Variants in HPSE2 observed in about 807,000 individuals in gnomAD.
HPSE2 encodes heparanase 2 (inactive).
HPSE2 carries 38 observed loss-of-function variants against 60.5 expected under a neutral mutation model. The observed-to-expected ratio is 0.63, with a 90% CI of 0.48 to 0.82. HPSE2 has a LOEUF of 0.82. Ranked by LOEUF, HPSE2 falls within the 40% of genes least tolerant of loss-of-function variation. The probability of loss-of-function intolerance (pLI) is 0.00; values close to 1 mark genes in which losing one functional copy is unlikely to be tolerated. For missense variants in HPSE2, 713 were observed against 740.4 expected (o/e 0.96, Z 0.43); for synonymous variants, 295 against 293.2 (o/e 1.01, Z -0.06).
intron 3 of HPSE2, among the ~76,000 whole-genome samples, chr10:98,803,331 T>A (rs1412034077): frequency 6.7e-6 from 1 of 150,236 alleles, no homozygotes; most frequent in East Asian, 2.0e-4. Context: ...TTTAATTAGA[T>A]CCCATTTGTC....
chr10:98,752,058 G>C (rs1949770223), intron 3 of HPSE2, among the ~76,000 whole-genome samples: 1 of 152,090 alleles, frequency 6.6e-6, no homozygotes, highest in Non-Finnish European at 1.5e-5. Flanking sequence ...TTTTGGAGAG[G>C]ACAGGCTCCC....
At chr10:99,205,959 C>T (rs889857659) in intron 2 of HPSE2, among the ~76,000 whole-genome samples, 2 of 152,172 alleles carry the variant, frequency 1.3e-5, no homozygotes, top group Non-Finnish European at 2.9e-5. Context: ...CACAATGCTG[C>T]AAACCTTGAC....
At chr10:99,313,592 ATT>A in the HPSE2 span, among the ~76,000 whole-genome samples, 121 of 84,618 alleles carry the variant, frequency 1.4e-3, no homozygotes, top group African/African-American at 5.7e-3. Context: ...ACTGACTCCA[ATT>A]TTTTTTTTTT....
At chr10:99,293,436 G>C in the HPSE2 span, among the ~76,000 whole-genome samples, 1 of 152,236 alleles carries the variant, frequency 6.6e-6, no homozygotes, top group Non-Finnish European at 1.5e-5. Context: ...ATAAAAATAA[G>C]AATTTGAAAA....
the HPSE2 span, among the ~76,000 whole-genome samples, chr10:99,285,997 T>G: frequency 6.6e-6 from 1 of 152,192 alleles, no homozygotes; most frequent in Admixed American, 6.5e-5. Context: ...CATTAGGAAA[T>G]GCAAATCAAA....
At chr10:99,110,428 G>A (rs1011906931) in intron 3 of HPSE2, among the ~76,000 whole-genome samples, 8 of 152,108 alleles carry the variant, frequency 5.3e-5, no homozygotes, top group South Asian at 2.1e-4. Context: ...AGTATTCTCC[G>A]TCCTTTCAAC....
intron 3 of HPSE2, among the ~76,000 whole-genome samples, chr10:98,813,467 T>C (rs573450909): frequency 6.6e-6 from 1 of 152,280 alleles, no homozygotes; most frequent in East Asian, 1.9e-4. Flanking sequence ...TGAGGAAGAA[T>C]TGCTGATCTT....
chr10:99,125,029 A>T (rs994967582), intron 3 of HPSE2, among the ~76,000 whole-genome samples: 5 of 152,266 alleles, frequency 3.3e-5, no homozygotes, highest in African/African-American at 4.8e-5. Context: ...GAGTAGCAGC[A>T]GAAGATAGTG....
intron 7 of HPSE2, among the ~76,000 whole-genome samples, chr10:98,631,547 G>A (rs540858494): frequency 2.6e-5 from 4 of 152,264 alleles, no homozygotes; most frequent in African/African-American, 7.2e-5. Flanking sequence ...CTCTTGCTTA[G>A]GACAAACCCT....
intron 3 of HPSE2, among the ~76,000 whole-genome samples, chr10:98,869,507 C>T (rs182680427): frequency 5.3e-4 from 80 of 152,190 alleles, no homozygotes; most frequent in Non-Finnish European, 1.0e-3. Flanking sequence ...GTTATGGCCT[C>T]ATATGAACAA....
At chr10:98,631,688 A>G (rs1946368949) in intron 7 of HPSE2, among the ~76,000 whole-genome samples, 1 of 152,218 alleles carries the variant, frequency 6.6e-6, no homozygotes, top group South Asian at 2.1e-4. Context: ...TGGGTAGCAC[A>G]TACCTTCTTC....
At chr10:99,065,067 C>T (rs1842571319) in intron 3 of HPSE2, among the ~76,000 whole-genome samples, 1 of 152,076 alleles carries the variant, frequency 6.6e-6, no homozygotes, top group Non-Finnish European at 1.5e-5. Context: ...CTTAAATTTC[C>T]TTCTTTTTAT....
At chr10:98,821,812 T>G (rs2134615019) in intron 3 of HPSE2, among the ~76,000 whole-genome samples, 1 of 152,262 alleles carries the variant, frequency 6.6e-6, no homozygotes, top group East Asian at 1.9e-4. Context: ...CACTCTAAAT[T>G]AGAAAGGCTA....
At chr10:98,734,838 T>C (rs1949309655) in intron 4 of HPSE2, among the ~76,000 whole-genome samples, 1 of 151,796 alleles carries the variant, frequency 6.6e-6, no homozygotes, top group African/African-American at 2.4e-5. Context: ...ATTTTAGGTT[T>C]ACAGAAAATT....
chr10:99,049,029 G>A (rs1957928717), intron 3 of HPSE2, among the ~76,000 whole-genome samples: 1 of 152,122 alleles, frequency 6.6e-6, no homozygotes, highest in Admixed American at 6.6e-5. Context: ...GCTAAACATT[G>A]AGCACACATG....
intron 3 of HPSE2, among the ~76,000 whole-genome samples, chr10:99,047,297 C>T (rs1049985808): frequency 6.6e-6 from 1 of 152,264 alleles, no homozygotes; most frequent in African/African-American, 2.4e-5. Context: ...AGACCCTTAC[C>T]TTTCACCATA....
At chr10:98,540,761 T>C (rs1286560998) in intron 9 of HPSE2, among the ~76,000 whole-genome samples, 2 of 152,104 alleles carry the variant, frequency 1.3e-5, no homozygotes, top group African/African-American at 4.8e-5. Flanking sequence ...AACTAATCAA[T>C]AGCACATTAA....
intron 3 of HPSE2, among the ~76,000 whole-genome samples, chr10:98,796,769 T>C (rs1950788830): frequency 6.6e-6 from 1 of 152,196 alleles, no homozygotes; most frequent in Non-Finnish European, 1.5e-5. Context: ...GTCCCAGTGG[T>C]AGTGACCACA....
chr10:98,525,010 G>A (rs1194247884), intron 9 of HPSE2, among the ~76,000 whole-genome samples: 3 of 152,154 alleles, frequency 2.0e-5, no homozygotes, highest in Non-Finnish European at 2.9e-5. Flanking sequence ...GACCTTTAAT[G>A]GCACATTTAT....
Sources: allele counts gnomAD v4.1 joint callset (sites outside exome capture counted in the v4.1 genomes callset), GRCh38; gene constraint gnomAD v4.1.1; transcripts MANE v1.5; gene names NCBI Gene and HGNC (gene_info 2026-07-23, HGNC 2026-07-21).